The following AMBRA1 variants were observed in gnomAD, a reference collection of about 807,000 sequenced individuals.
AMBRA1 encodes activating molecule in BECN1-regulated autophagy protein 1.
In AMBRA1, 47 loss-of-function variants were observed where a neutral mutation model predicts 125.4. The ratio of observed to expected loss-of-function variants is 0.37; its 90% CI spans 0.30 to 0.48. AMBRA1 has a LOEUF of 0.48. AMBRA1 is among the 20% of genes least tolerant of loss of function. The pLI is 0.99. For synonymous variants in AMBRA1, 626 were observed against 655.5 expected, an observed-to-expected ratio of 0.95 and a Z score of 0.69; for missense variants, 1,331 against 1,693.4, an observed-to-expected ratio of 0.79 and a Z score of 3.76.
intron 15 of AMBRA1, among the ~76,000 whole-genome samples, chr11:46,412,092 G>T (rs1465661079): frequency 6.6e-6 from 1 of 152,162 alleles, no homozygotes; most frequent in Non-Finnish European, 1.5e-5. Context: ...CTGTGGAGTT[G>T]GTGTAATTCC....
intron 1 of AMBRA1, among the ~76,000 whole-genome samples, chr11:46,565,938 A>C (rs1257576049): frequency 1.3e-5 from 2 of 151,786 alleles, no homozygotes; most frequent in African/African-American, 2.4e-5. Context: ...ACATCGGCTA[A>C]TTTTTTTTGT....
At chr11:46,541,839 C>T (rs1270412768) in intron 7 of AMBRA1, 106 bp downstream of exon 7, 11 of 1,436,498 alleles carry the variant, frequency 7.7e-6, no homozygotes, top group South Asian at 2.6e-5. Context: ...GAAGCAGATG[C>T]GTGGGTCCCA....
intron 11 of AMBRA1, among the ~76,000 whole-genome samples, chr11:46,481,085 A>T (rs920826853): frequency 2.6e-5 from 4 of 152,164 alleles, no homozygotes; most frequent in Non-Finnish European, 5.9e-5. Flanking sequence ...TTGACTATTA[A>T]TTGAATGCTG....
intron 11 of AMBRA1, among the ~76,000 whole-genome samples, chr11:46,464,407 T>C (rs1340371449): frequency 1.3e-5 from 2 of 152,126 alleles, no homozygotes; most frequent in Admixed American, 1.3e-4. Flanking sequence ...AATAATTCAC[T>C]ATGCACCTTC....
chr11:46,543,231 C>T lies in AMBRA1; in HGVS notation c.786G>A (p.Val262=). Residue 262 remains valine, a synonymous_variant, in exon 7 of 18, where the codon GTG becomes GTA. Coordinates refer to ENST00000683756, the MANE Select transcript of AMBRA1 (RefSeq NM_001387011.1). Reference sequence around the variant, plus strand: ...GGGGTGAGGGGGTAGCAGAATCTTGCACTGTGCTTTGCTCTCCCACCTGGA... The same window carrying T: ...GGGGTGAGGGGGTAGCAGAATCTTGTACTGTGCTTTGCTCTCCCACCTGGA... The part of the protein sequence containing the change: ...SGIQVGEQST[V]QDSATPSPPP... 1 of 1,612,714 alleles carries T rather than the reference C, an allele frequency of 6.2e-7. No individual in the cohort carries two copies. The highest frequency in any genetic ancestry group is 8.5e-7 in the Non-Finnish European group (1 of 1,179,622).
intron 1 of AMBRA1, among the ~76,000 whole-genome samples, chr11:46,550,826 C>CCTGT (rs1276658397): frequency 6.6e-6 from 1 of 151,902 alleles, no homozygotes; most frequent in Admixed American, 6.6e-5. Context: ...GTGGCTCACG[C>CCTGT]CTGTAATCCC....
chr11:46,473,940 G>A (rs891194016), intron 11 of AMBRA1, among the ~76,000 whole-genome samples: 12 of 152,150 alleles, frequency 7.9e-5, no homozygotes, highest in Non-Finnish European at 1.6e-4. Flanking sequence ...GTGAGCCACC[G>A]CACCCGGACA....
chr11:46,568,445 A>G (rs113137464), intron 1 of AMBRA1, among the ~76,000 whole-genome samples: 2,541 of 145,938 alleles, frequency 0.017, 77 homozygotes, highest in African/African-American at 0.06. Context: ...GTGACAAGAG[A>G]GAAACTCAAA....
At chr11:46,474,025 T>A (rs1208266023) in intron 11 of AMBRA1, among the ~76,000 whole-genome samples, 1 of 152,196 alleles carries the variant, frequency 6.6e-6, no homozygotes, top group African/African-American at 2.4e-5. Context: ...GTGTAGGACC[T>A]ACCTAGCACA....
Position 46,551,311 on chromosome 11 carries a change from C to T in AMBRA1, c.-120-2811G>A, listed in dbSNP as rs761103859. On this transcript the variant is annotated intron_variant, in intron 1 of 17. Coordinates refer to ENST00000683756, the MANE Select transcript of AMBRA1 (RefSeq NM_001387011.1). Reference sequence around the variant, plus strand: ...TGGAATTTTAGTTAGTTTGTGGGGACTTTATTTTTATTTTTTAAAGAAACA... The same window carrying T: ...TGGAATTTTAGTTAGTTTGTGGGGATTTTATTTTTATTTTTTAAAGAAACA... Among the ~76,000 whole-genome samples the T allele has an allele frequency of 4.2e-3, 635 of 151,626 alleles. 3 individuals are homozygous for T. Among genetic ancestry groups the T allele is most frequent in the African/African-American group, 0.013 (533 of 41,248 alleles).
intron 10 of AMBRA1, 148 bp from the exon 11 acceptor site, chr11:46,493,856 G>A (rs926307663): frequency 2.1e-5 from 14 of 674,926 alleles, no homozygotes; most frequent in South Asian, 6.3e-5. Flanking sequence ...TGGTCCTTCC[G>A]CAGATTTGTA....
Position 46,471,306 on chromosome 11 carries a change from C to T in AMBRA1, c.2521+22302G>A, listed in dbSNP as rs758735144. Among the ~76,000 whole-genome samples the T allele has an allele frequency of 1.1e-3, 165 of 152,118 alleles. 4 individuals are homozygous for T. The highest frequency in any genetic ancestry group is 2.8e-4 in the Non-Finnish European group (19 of 67,982). On this transcript the variant is annotated intron_variant, in intron 11 of 17. Transcript: ENST00000683756. Reference sequence around the variant, plus strand: ...AAAAATATAAAAATTCGTCTGGGCACGGTGGCTCATACCTGTAATCCCAGC... The same window carrying T: ...AAAAATATAAAAATTCGTCTGGGCATGGTGGCTCATACCTGTAATCCCAGC...
chr11:46,502,299 G>A (rs1950871526), intron 9 of AMBRA1, among the ~76,000 whole-genome samples: 1 of 152,092 alleles, frequency 6.6e-6, no homozygotes, highest in African/African-American at 2.4e-5. Context: ...GTAGATGGCT[G>A]GCTGATTCCT....
At chr11:46,474,686 C>T (rs1455148366) in intron 11 of AMBRA1, among the ~76,000 whole-genome samples, 1 of 152,180 alleles carries the variant, frequency 6.6e-6, no homozygotes, top group East Asian at 1.9e-4. Flanking sequence ...CGGCACCTGG[C>T]CTCTACCCTT....
chr11:46,496,805 TAAAA>T (rs767496674), intron 9 of AMBRA1, among the ~76,000 whole-genome samples: 12 of 139,276 alleles, frequency 8.6e-5, no homozygotes, highest in African/African-American at 2.9e-4. Flanking sequence ...TCCCTTCATT[TAAAA>T]AAAAAAAAAA....
At chr11:46,563,593 A>C (rs1197805621) in intron 1 of AMBRA1, among the ~76,000 whole-genome samples, 1 of 152,160 alleles carries the variant, frequency 6.6e-6, no homozygotes, top group African/African-American at 2.4e-5. Flanking sequence ...TAATTCCAGA[A>C]CTTTAGGAAA....
rs115292163 is a variant in AMBRA1, at chr11:46,452,336, T to G, written c.2522-8738A>C. On this transcript the variant is annotated intron_variant, in intron 11 of 17. Coordinates refer to ENST00000683756, the MANE Select transcript of AMBRA1 (RefSeq NM_001387011.1). ...AAAAACCTTTGTTATTTTAAGGTTT[T>G]TTGTTGTTGTTGTTGTTGTTGTTTG... 6.3e-3 allele frequency among the ~76,000 whole-genome samples: 954 copies of G among 152,062 alleles called. 13 individuals are homozygous for G. Among genetic ancestry groups the G allele is most frequent in the African/African-American group, 0.022 (904 of 41,474 alleles).
At chr11:46,534,646 A>C (rs1347072374) in intron 7 of AMBRA1, among the ~76,000 whole-genome samples, 1 of 152,150 alleles carries the variant, frequency 6.6e-6, no homozygotes, top group Non-Finnish European at 1.5e-5. Context: ...TCATCCAGGA[A>C]GCAGTCCTTG....
intron 4 of AMBRA1, among the ~76,000 whole-genome samples, chr11:46,546,605 G>A (rs1377401900): frequency 6.6e-6 from 1 of 151,114 alleles, no homozygotes; most frequent in Non-Finnish European, 1.5e-5. Context: ...ACAATCTCAG[G>A]GCATGCTTAA....
Sources: gnomAD v4.1 joint callset for allele counts (sites outside exome capture counted in the v4.1 genomes callset) on GRCh38, gnomAD v4.1.1 for gene constraint, MANE v1.5 for transcripts, NCBI Gene and HGNC (gene_info 2026-07-23, HGNC 2026-07-21) for gene names.